JAK1: variants seen among roughly 807,000 people sequenced by gnomAD.
JAK1 encodes the protein tyrosine-protein kinase JAK1.
In JAK1, 16 loss-of-function variants were observed where a neutral mutation model predicts 136.6. The ratio of observed to expected loss-of-function variants is 0.12; its 90% CI spans 0.08 to 0.18. The LOEUF is 0.18. Ranked by LOEUF, JAK1 falls within the 10% of genes least tolerant of loss-of-function variation. The pLI, the probability that JAK1 is intolerant of heterozygous loss-of-function variation, is 1.00. For synonymous variants in JAK1, 492 were observed against 519.5 expected (o/e 0.95, Z 0.72); for missense variants, 859 against 1,450.1 (o/e 0.59, Z 6.62).
intron 1 of JAK1, among the ~76,000 whole-genome samples, chr1:64,932,181 G>A (rs984869612): frequency 1.3e-5 from 2 of 150,954 alleles, no homozygotes; most frequent in African/African-American, 4.9e-5. Flanking sequence ...TTGGGGGGCC[G>A]AGGTGGGGGG....
At chr1:64,969,550 C>T (rs1288193011), upstream of JAK1, among the ~76,000 whole-genome samples, 1 of 152,032 alleles carries the variant, frequency 6.6e-6, no homozygotes, top group Non-Finnish European at 1.5e-5. Context: ...AATTGGAGGG[C>T]AAGGAGATTA....
rs1381065163 is a variant in JAK1 at position 64,844,059 on chromosome 1, C to T, written c.2403+5G>A. ...TGCCTCACGCCCCGGGAAACACCTG[C>T]TCACCTCAATCAGCGTCTTGTCTTT... On this transcript the variant is annotated splice_donor_5th_base_variant and intron_variant, in intron 17 of 24. Transcript: ENST00000342505. This position sits in a 1 kb window ranked among gnomAD's most constrained non-coding sequence, Gnocchi z 5.7. 1.9e-6 allele frequency: 3 copies of T among 1,613,904 alleles called. No individual in the cohort carries two copies. In the Admixed American group the frequency reaches 5.0e-5, roughly 27 times the overall value.
At chr1:64,931,080 T>G (rs962294160) in intron 1 of JAK1, among the ~76,000 whole-genome samples, 1 of 152,120 alleles carries the variant, frequency 6.6e-6, no homozygotes, top group African/African-American at 2.4e-5. Context: ...CAAACCACCA[T>G]GGCACGTGTA....
intron 2 of JAK1, chr1:64,972,414 A>G (rs958110732): frequency 3.3e-5 from 5 of 152,260 alleles, no homozygotes; most frequent in African/African-American, 1.2e-4. Context: ...TGCCAATACT[A>G]ATCTATGAAT....
At chr1:65,047,723 A>AG (rs200264865) in intron 1 of JAK1, among the ~76,000 whole-genome samples, 2 of 152,240 alleles carry the variant, frequency 1.3e-5, no homozygotes, top group Admixed American at 1.3e-4. Flanking sequence ...CATCTCAAAA[A>AG]AAAAAAAAAG....
chr1:64,966,448 T>C lies in JAK1; in HGVS notation c.-193A>G, dbSNP rs2100655024. The C allele has an allele frequency of 6.6e-6, 1 of 151,080 alleles. No homozygotes were observed. The highest frequency in any genetic ancestry group is 2.0e-4 in the East Asian group (1 of 5,098). 9.4% of individuals were successfully genotyped at this position (151,080 alleles called of 1,614,324 possible). ...GCCCCAGCGTGCGCGCGCCCAGGGC[T>C]GAGGAGGGGTCGCGGCGAGGACAGC... On this transcript the variant is annotated 5_prime_UTR_variant, in exon 1 of 25. Coordinates refer to ENST00000342505, the MANE Select transcript of JAK1 (RefSeq NM_002227.4).
At chr1:65,009,961 T>C (rs1281479985) in intron 2 of JAK1, among the ~76,000 whole-genome samples, 3 of 152,216 alleles carry the variant, frequency 2.0e-5, no homozygotes, top group Non-Finnish European at 4.4e-5. Flanking sequence ...TCTATCTTAG[T>C]GTACTGCAAT....
At chr1:64,901,205 C>T (rs545484264) in intron 1 of JAK1, among the ~76,000 whole-genome samples, 2 of 152,166 alleles carry the variant, frequency 1.3e-5, no homozygotes, top group South Asian at 4.1e-4. Context: ...TAAACATTTC[C>T]TTCCCCAGCA....
intron 2 of JAK1, among the ~76,000 whole-genome samples, chr1:64,998,261 T>C (rs957878080): frequency 2.0e-5 from 3 of 150,778 alleles, no homozygotes; most frequent in African/African-American, 4.9e-5. Flanking sequence ...GGAGAGGAAA[T>C]AGTAAAAGAG....
At chr1:65,033,931 C>T (rs1054476625) in intron 2 of JAK1, among the ~76,000 whole-genome samples, 6 of 152,104 alleles carry the variant, frequency 3.9e-5, no homozygotes, top group Non-Finnish European at 7.4e-5. Flanking sequence ...TAATAATTAC[C>T]TTGTGTAATT....
intron 1 of JAK1, among the ~76,000 whole-genome samples, chr1:64,928,334 G>A (rs1281245651): frequency 1.3e-5 from 2 of 152,168 alleles, no homozygotes; most frequent in East Asian, 3.9e-4. Flanking sequence ...TGCAATAAAA[G>A]GTGATGAGAA....
At chr1:65,019,888 C>T (rs1646922541) in intron 2 of JAK1, among the ~76,000 whole-genome samples, 1 of 150,156 alleles carries the variant, frequency 6.7e-6, no homozygotes, top group African/African-American at 2.5e-5. Context: ...TGCACTCCAG[C>T]CTGGGTGACA....
Position 65,040,349 on chromosome 1 carries a change from C to T in JAK1, c.-78+4131G>A, listed in dbSNP as rs558418113. On this transcript the variant is annotated intron_variant, in intron 2 of 25. Transcript: ENST00000671954. The stretch of plus-strand genomic sequence containing the variant: ...TTTCTATCGTCTAGAGGCCACCTGC[C>T]TTCTGTGGCTCGAGGCCACTTCACT... 3.3e-5 allele frequency among the ~76,000 whole-genome samples: 5 copies of T among 152,266 alleles called. No individual in the cohort carries two copies. In the East Asian group the frequency reaches 9.7e-4, roughly 29 times the overall value.
At chr1:64,965,573 C>A (rs1023975557) in intron 1 of JAK1, among the ~76,000 whole-genome samples, 1 of 152,154 alleles carries the variant, frequency 6.6e-6, no homozygotes, top group African/African-American at 2.4e-5. Context: ...GCCGACGATG[C>A]GCGGATGGAG....
intron 2 of JAK1, chr1:64,990,919 C>CAAAAAAAAAAAAAAAAAAAAAAA (rs1173485942): frequency 9.1e-5 from 4 of 44,152 alleles, no homozygotes; most frequent in Non-Finnish European, 2.1e-4. Context: ...GACTCCGTCT[C>CAAAAAAAAAAAAAAAAAAAAAAA]AAAAAAAAAA....
chr1:64,876,378 A>T (rs1313076495), intron 4 of JAK1: 2 of 152,246 alleles, frequency 1.3e-5, no homozygotes, highest in Non-Finnish European at 2.9e-5. Flanking sequence ...GCCCTGTGGG[A>T]CCATCTTTGT....
At chr1:64,897,128 T>C (rs1006404812) in intron 1 of JAK1, among the ~76,000 whole-genome samples, 1 of 151,640 alleles carries the variant, frequency 6.6e-6, no homozygotes, top group African/African-American at 2.4e-5. Flanking sequence ...CATGAAGAAA[T>C]AGCAAAAGAA....
At chr1:65,052,646 T>C (rs1214425770) in intron 1 of JAK1, among the ~76,000 whole-genome samples, 23 of 152,096 alleles carry the variant, frequency 1.5e-4, no homozygotes, top group Non-Finnish European at 5.9e-5. Context: ...ATCCCATCTC[T>C]ACTAAAAATA....
intron 3 of JAK1, among the ~76,000 whole-genome samples, chr1:64,879,793 CACAAA>C (rs1644741346): frequency 6.6e-6 from 1 of 152,134 alleles, no homozygotes; most frequent in Non-Finnish European, 1.5e-5. Flanking sequence ...TATATGGCTT[CACAAA>C]GCTGGCCCAA....
Sources: gnomAD v4.1 joint callset for allele counts (sites outside exome capture counted in the v4.1 genomes callset) on GRCh38, gnomAD v4.1.1 for gene constraint, Gnocchi (gnomAD v3.1) non-coding constraint, MANE v1.5 for transcripts, NCBI Gene and HGNC (gene_info 2026-07-23, HGNC 2026-07-21) for gene names.